Variants in ADGRB3 observed in about 807,000 individuals in gnomAD.
The protein encoded by ADGRB3 is adhesion G protein-coupled receptor B3.
ADGRB3 carries 37 observed loss-of-function variants against 193.4 expected under a neutral mutation model. The observed-to-expected ratio is 0.19, with a 90% CI of 0.15 to 0.25. The LOEUF (loss-of-function observed/expected upper bound fraction) is 0.25, where lower values mean the gene tolerates loss of function less well. Ranked by LOEUF, ADGRB3 falls within the 10% of genes least tolerant of loss-of-function variation. ADGRB3 has a pLI of 1.00. For missense variants in ADGRB3, 1,637 were observed against 1,852.9 expected, an observed-to-expected ratio of 0.88 and a Z score of 2.14; for synonymous variants, 690 against 644.2, an observed-to-expected ratio of 1.07 and a Z score of -1.08.
At chr6:69,384,640 A>C (rs1770022796) in intron 31 of ADGRB3, among the ~76,000 whole-genome samples, 1 of 152,016 alleles carries the variant, frequency 6.6e-6, no homozygotes, top group Admixed American at 6.6e-5. Context: ...TGACAACAAA[A>C]ATAGTCTACT....
intron 3 of ADGRB3, among the ~76,000 whole-genome samples, chr6:68,924,710 G>A (rs749680928): frequency 2.0e-5 from 3 of 151,816 alleles, no homozygotes; most frequent in Admixed American, 1.3e-4. Flanking sequence ...CATTTCTGTC[G>A]AAGTATTTCG....
chr6:68,754,011 A>C (rs1334542997), intron 3 of ADGRB3, among the ~76,000 whole-genome samples: 1 of 152,184 alleles, frequency 6.6e-6, no homozygotes, highest in East Asian at 1.9e-4. Flanking sequence ...TATGAAGTGA[A>C]TATAAATCCA....
intron 17 of ADGRB3, among the ~76,000 whole-genome samples, chr6:69,091,759 G>A (rs1772716488): frequency 6.6e-6 from 1 of 152,030 alleles, no homozygotes; most frequent in Non-Finnish European, 1.5e-5. Context: ...CTAATTAACA[G>A]ACCTGACTTT....
chr6:69,104,845 C>T (rs1000096827), intron 17 of ADGRB3, among the ~76,000 whole-genome samples: 1 of 152,090 alleles, frequency 6.6e-6, no homozygotes, highest in Non-Finnish European at 1.5e-5. Flanking sequence ...GTTTCAAAAA[C>T]ATATGTGTAT....
intron 3 of ADGRB3, among the ~76,000 whole-genome samples, chr6:68,921,546 T>A (rs1299335220): frequency 2.0e-5 from 3 of 152,112 alleles, no homozygotes; most frequent in African/African-American, 7.2e-5. Context: ...TGTGGCAATA[T>A]CTAACAAAAT....
chr6:69,088,428 A>G (rs1265937815), intron 17 of ADGRB3, among the ~76,000 whole-genome samples: 2 of 152,194 alleles, frequency 1.3e-5, no homozygotes, highest in Admixed American at 6.5e-5. Flanking sequence ...GCTGGAGTGC[A>G]GTGGTGCAAT....
chr6:69,273,646 A>C (rs1373431624), intron 20 of ADGRB3, among the ~76,000 whole-genome samples: 1 of 152,240 alleles, frequency 6.6e-6, no homozygotes, highest in African/African-American at 2.4e-5. Context: ...TTACATGCTA[A>C]ACACTTAATG....
At chr6:69,253,312 C>T (rs1322705034) in intron 20 of ADGRB3, among the ~76,000 whole-genome samples, 7 of 152,016 alleles carry the variant, frequency 4.6e-5, no homozygotes, top group East Asian at 3.9e-4. Flanking sequence ...TATTCAAATA[C>T]GTTTTAGAAT....
At chr6:69,194,095 CTT>C (rs1765250930) in intron 17 of ADGRB3, among the ~76,000 whole-genome samples, 1 of 152,028 alleles carries the variant, frequency 6.6e-6, no homozygotes, top group Non-Finnish European at 1.5e-5. Context: ...ATTTTCCTCT[CTT>C]ATTTCTCTAT....
At position 69,200,982 on chromosome 6, in the gene ADGRB3, A is replaced by G. The variant is rs186043847; in HGVS notation, c.2481-32308A>G. Among the ~76,000 whole-genome samples, 3 of 152,246 alleles carry G rather than the reference A, an allele frequency of 2.0e-5. No homozygotes were observed. The East Asian group carries it at 5.8e-4, about 29-fold the overall frequency. ...AAAAAATAAATTTATTTAATAAGCA[A>G]CATAAGATGACAGAAATGCTTCACA... On this transcript the variant is annotated intron_variant, in intron 17 of 31. Coordinates refer to ENST00000370598, the MANE Select transcript of ADGRB3 (RefSeq NM_001704.3).
intron 17 of ADGRB3, among the ~76,000 whole-genome samples, chr6:69,146,822 T>TA (rs58859660): frequency 1.9e-4 from 3 of 16,092 alleles, no homozygotes; most frequent in Admixed American, 1.4e-3. Flanking sequence ...TCATTACTTC[T>TA]TTTTTTTTTT....
intron 8 of ADGRB3, among the ~76,000 whole-genome samples, chr6:68,964,197 A>C (rs1384364382): frequency 6.6e-6 from 1 of 152,196 alleles, no homozygotes; most frequent in Non-Finnish European, 1.5e-5. Context: ...TTCTTTGGAA[A>C]TAAGTAATTG....
chr6:69,044,488 T>G (rs1771183512), intron 13 of ADGRB3, among the ~76,000 whole-genome samples: 1 of 152,188 alleles, frequency 6.6e-6, no homozygotes, highest in Non-Finnish European at 1.5e-5. Flanking sequence ...TGCTCATTGG[T>G]TACCAAGAAA....
chr6:69,231,019 G>A (rs1766123178), intron 17 of ADGRB3, among the ~76,000 whole-genome samples: 1 of 151,930 alleles, frequency 6.6e-6, no homozygotes, highest in Non-Finnish European at 1.5e-5. Context: ...GAGAGTAGAA[G>A]CATTTCATGC....
intron 3 of ADGRB3, among the ~76,000 whole-genome samples, chr6:68,796,912 GA>G (rs1767219198): frequency 6.6e-6 from 1 of 152,120 alleles, no homozygotes; most frequent in Non-Finnish European, 1.5e-5. Context: ...AAAATGAAAG[GA>G]AGAGAATCTC....
chr6:68,816,641 G>A (rs1010137425), intron 3 of ADGRB3, among the ~76,000 whole-genome samples: 2 of 151,498 alleles, frequency 1.3e-5, no homozygotes, highest in African/African-American at 2.4e-5. Flanking sequence ...TAGTCACACT[G>A]GCTCCCAAGC....
chr6:69,121,333 A>G (rs1222755195), intron 17 of ADGRB3, among the ~76,000 whole-genome samples: 2 of 152,230 alleles, frequency 1.3e-5, no homozygotes. Flanking sequence ...GTAAGGTTAT[A>G]GATTAACGGC....
intron 3 of ADGRB3, among the ~76,000 whole-genome samples, chr6:68,661,850 T>A (rs1423305225): frequency 6.6e-6 from 1 of 151,088 alleles, no homozygotes; most frequent in African/African-American, 2.4e-5. Flanking sequence ...CCAGATGCCT[T>A]AATGGGACCA....
intron 24 of ADGRB3, among the ~76,000 whole-genome samples, chr6:69,337,951 T>A (rs1298211441): frequency 6.6e-6 from 1 of 152,222 alleles, no homozygotes; most frequent in Non-Finnish European, 1.5e-5. Flanking sequence ...AGGAATGGAC[T>A]ATGCACACCT....
Sources: allele counts gnomAD v4.1 joint callset (sites outside exome capture counted in the v4.1 genomes callset), GRCh38; gene constraint gnomAD v4.1.1; transcripts MANE v1.5; gene names NCBI Gene and HGNC (gene_info 2026-07-23, HGNC 2026-07-21).